Variants in ARHGAP6 observed in about 807,000 individuals in gnomAD.
ARHGAP6 encodes the protein Rho GTPase activating protein 6, also known as rho GTPase-activating protein 6.
In ARHGAP6, 16 loss-of-function variants were observed where a neutral mutation model predicts 55.7. The observed-to-expected ratio is 0.29, with a 90% CI of 0.19 to 0.44. The LOEUF is 0.44. Among genes scored for constraint, ARHGAP6 ranks in the 20% least tolerant of loss-of-function variants. The pLI is 1.00. For synonymous variants in ARHGAP6, 382 were observed against 360.9 expected, an observed-to-expected ratio of 1.06 and a Z score of -0.66; for missense variants, 698 against 808.9, an observed-to-expected ratio of 0.86 and a Z score of 1.66.
intron 1 of ARHGAP6, among the ~76,000 whole-genome samples, chrX:11,624,036 C>T (rs1469000979): frequency 9.0e-6 from 1 of 111,265 alleles, no homozygotes; most frequent in African/African-American, 3.3e-5. Context: ...AGACACAGAC[C>T]AATGGAACAA....
chrX:11,398,278 A>G (rs982092024), intron 1 of ARHGAP6, among the ~76,000 whole-genome samples: 6 of 110,310 alleles, frequency 5.4e-5, no homozygotes, highest in South Asian at 3.9e-4. Context: ...AAAAAAAAAA[A>G]AAAAAGAAAC....
chrX:11,379,776 G>T (rs2049242067), intron 1 of ARHGAP6, among the ~76,000 whole-genome samples: 1 of 110,336 alleles, frequency 9.1e-6, no homozygotes, highest in African/African-American at 3.3e-5. Flanking sequence ...TCATCCTCTG[G>T]CCAGAGTTGA....
At chrX:11,181,944 G>T in intron 6 of ARHGAP6, 119 bp downstream of exon 6, 1 of 532,836 alleles carries the variant, frequency 1.9e-6, no homozygotes, top group Non-Finnish European at 3.0e-6. Context: ...ATAATAGCTT[G>T]GAGGGTAAAA....
At chrX:11,433,554 T>C (rs2049960279) in intron 1 of ARHGAP6, among the ~76,000 whole-genome samples, 1 of 112,416 alleles carries the variant, frequency 8.9e-6, no homozygotes, top group African/African-American at 3.2e-5. Context: ...AATTAAGAAA[T>C]GATTTTTCAT....
chrX:11,535,727 G>A lies in ARHGAP6; in HGVS notation c.588+128514C>T, dbSNP rs763969427. ...GCATTCCAGTCTCTCATTAACAGTGGCCTGGCTTACATCTGACAGTAAGTA... is the reference window on the plus strand; with the variant it reads ...GCATTCCAGTCTCTCATTAACAGTGACCTGGCTTACATCTGACAGTAAGTA... On this transcript the variant is annotated intron_variant, in intron 1 of 12. Coordinates refer to ENST00000337414, the MANE Select transcript of ARHGAP6 (RefSeq NM_013427.3). Among the ~76,000 whole-genome samples, 17 of 98,950 alleles carry A rather than the reference G, an allele frequency of 1.7e-4. No homozygotes were observed. In the South Asian group the frequency reaches 8.2e-3, roughly 48 times the overall value. 85.9% of individuals were successfully genotyped at this position (98,950 alleles called of 115,157 possible). A position where few individuals can be genotyped will look rare whatever the true frequency, so the allele number is the denominator to read the frequency against.
At chrX:11,453,196 A>C (rs905223631) in intron 1 of ARHGAP6, among the ~76,000 whole-genome samples, 1 of 101,005 alleles carries the variant, frequency 9.9e-6, no homozygotes, top group African/African-American at 3.6e-5. Flanking sequence ...CTCTCTCTCT[A>C]TATATATACA....
chrX:11,383,138 A>G (rs978888443), intron 1 of ARHGAP6, among the ~76,000 whole-genome samples: 6 of 112,008 alleles, frequency 5.4e-5, no homozygotes, highest in Non-Finnish European at 9.4e-5. Flanking sequence ...TAAGGCGTGT[A>G]TTTTTAAGAG....
intron 1 of ARHGAP6, among the ~76,000 whole-genome samples, chrX:11,440,334 C>T (rs1448306469): frequency 1.8e-5 from 2 of 112,365 alleles, no homozygotes; most frequent in African/African-American, 6.5e-5. Flanking sequence ...GCACTTACTA[C>T]AGTACACATA....
rs921529545 is a variant in ARHGAP6 at position 11,594,382 on chromosome X, A to G, written c.588+69859T>C. 7.1e-5 allele frequency among the ~76,000 whole-genome samples: 8 copies of G among 112,096 alleles called. No individual in the cohort carries two copies. The Admixed American group carries it at 7.6e-4, about 11-fold the overall frequency. On this transcript the variant is annotated intron_variant, in intron 1 of 12. Coordinates refer to ENST00000337414, the MANE Select transcript of ARHGAP6 (RefSeq NM_013427.3). ...AAATGCTATTTTAAATATATTTAAC[A>G]CTATTTTAAAATGCTATTTAATTTA...
intron 1 of ARHGAP6, among the ~76,000 whole-genome samples, chrX:11,561,315 A>T (rs189114874): frequency 8.9e-6 from 1 of 112,543 alleles, no homozygotes; most frequent in East Asian, 2.8e-4. Context: ...GTACACCCAG[A>T]GATATAAAAC....
chrX:11,391,072 C>A (rs1281499388), intron 1 of ARHGAP6, among the ~76,000 whole-genome samples: 2 of 111,893 alleles, frequency 1.8e-5, no homozygotes, highest in Non-Finnish European at 3.8e-5. Context: ...CCCAAATGTC[C>A]AACAATGATA....
At chrX:11,316,650 T>C (rs188846224) in intron 1 of ARHGAP6, among the ~76,000 whole-genome samples, 78 of 112,543 alleles carry the variant, frequency 6.9e-4, no homozygotes, top group African/African-American at 1.4e-3. Context: ...ATAGATCTCT[T>C]GAATTTATTC....
At chrX:11,554,380 C>G (rs759333168) in intron 1 of ARHGAP6, among the ~76,000 whole-genome samples, 50 of 111,772 alleles carry the variant, frequency 4.5e-4, no homozygotes, top group African/African-American at 1.6e-3. Flanking sequence ...GGTTCGATAG[C>G]AGAGTACGGT....
At chrX:11,460,763 G>A (rs1269976914) in intron 1 of ARHGAP6, among the ~76,000 whole-genome samples, 2 of 111,574 alleles carry the variant, frequency 1.8e-5, no homozygotes, top group Non-Finnish European at 3.8e-5. Context: ...AGACTACCTG[G>A]GTTCAAATCC....
At chrX:11,482,244 AG>A (rs2050464135) in intron 1 of ARHGAP6, among the ~76,000 whole-genome samples, 1 of 112,027 alleles carries the variant, frequency 8.9e-6, no homozygotes, top group African/African-American at 3.2e-5. Flanking sequence ...GTACTTGGGG[AG>A]GAGAAACTCT....
intron 1 of ARHGAP6, among the ~76,000 whole-genome samples, chrX:11,409,925 T>C (rs993249563): frequency 2.7e-5 from 3 of 111,818 alleles, no homozygotes; most frequent in African/African-American, 9.8e-5. Flanking sequence ...CTGGGCAACA[T>C]AGCAAGATGC....
At chrX:11,339,741 C>A (rs2048680307) in intron 1 of ARHGAP6, among the ~76,000 whole-genome samples, 1 of 111,529 alleles carries the variant, frequency 9.0e-6, no homozygotes, top group South Asian at 3.8e-4. Flanking sequence ...ATGCATATCC[C>A]CATCTAGGGG....
intron 1 of ARHGAP6, among the ~76,000 whole-genome samples, chrX:11,608,876 C>T (rs1213146280): frequency 1.8e-5 from 2 of 111,523 alleles, no homozygotes; most frequent in Non-Finnish European, 3.8e-5. Context: ...CTAATTAAAC[C>T]TATTTTTCTT....
intron 1 of ARHGAP6, among the ~76,000 whole-genome samples, chrX:11,292,849 G>A (rs1444797690): frequency 1.8e-5 from 2 of 111,886 alleles, no homozygotes; most frequent in South Asian, 3.7e-4. Flanking sequence ...CCAGAGGGGT[G>A]ATAAAGGAGT....
Sources: gnomAD v4.1 joint callset for allele counts (sites outside exome capture counted in the v4.1 genomes callset) on GRCh38, gnomAD v4.1.1 for gene constraint, MANE v1.5 for transcripts, NCBI Gene and HGNC (gene_info 2026-07-23, HGNC 2026-07-21) for gene names.